SPAG17: variants seen among roughly 807,000 people sequenced by gnomAD.
The protein encoded by SPAG17 is sperm associated antigen 17.
In SPAG17, 169 loss-of-function variants were observed where a neutral mutation model predicts 273.6. The ratio of observed to expected loss-of-function variants is 0.62; its 90% CI spans 0.55 to 0.70. SPAG17 has a LOEUF of 0.70. Ranked by LOEUF, SPAG17 falls within the 30% of genes least tolerant of loss-of-function variation. SPAG17 has a pLI of 0.00. For missense variants in SPAG17, 2,557 were observed against 2,627.8 expected (o/e 0.97, Z 0.59); for synonymous variants, 825 against 873.2 (o/e 0.94, Z 0.97).
chr1:118,117,149 T>C (rs186622791), intron 3 of SPAG17, among the ~76,000 whole-genome samples: 1 of 152,202 alleles, frequency 6.6e-6, no homozygotes, highest in Non-Finnish European at 1.5e-5. Context: ...ATTCAAAACA[T>C]TCAAATGTGG....
intron 1 of SPAG17, among the ~76,000 whole-genome samples, chr1:118,168,233 G>A (rs755709820): frequency 2.0e-4 from 31 of 152,158 alleles, no homozygotes; most frequent in Non-Finnish European, 8.8e-5. Flanking sequence ...GTGTCTGTCT[G>A]GGTGAGTGGT....
intron 1 of SPAG17, among the ~76,000 whole-genome samples, chr1:118,180,652 T>A (rs1041244544): frequency 2.6e-5 from 4 of 152,054 alleles, no homozygotes; most frequent in African/African-American, 9.7e-5. Flanking sequence ...CTACTTATAG[T>A]CATTTGATCT....
chr1:118,115,460 A>G lies in SPAG17; in HGVS notation c.316-19T>C. The G allele has an allele frequency of 6.3e-7, 1 of 1,597,520 alleles. No homozygotes were observed. The highest frequency in any genetic ancestry group is 8.5e-7 in the Non-Finnish European group (1 of 1,174,204). The stretch of plus-strand genomic sequence containing the variant: ...TTAACACCTATACAGAAACACAATT[A>G]TTAGAAAAAGTGATGTTTTATAACC... On this transcript the variant is annotated intron_variant, in intron 3 of 48. Coordinates refer to ENST00000336338, the MANE Select transcript of SPAG17 (RefSeq NM_206996.4).
chr1:118,080,759 C>A (rs1195716051), intron 15 of SPAG17, among the ~76,000 whole-genome samples: 1 of 152,062 alleles, frequency 6.6e-6, no homozygotes, highest in Non-Finnish European at 1.5e-5. Flanking sequence ...TGATTTTGAA[C>A]CAAGCTCTGT....
chr1:117,956,515 G>A (rs1367403247), intron 48 of SPAG17, among the ~76,000 whole-genome samples: 3 of 152,134 alleles, frequency 2.0e-5, no homozygotes, highest in African/African-American at 7.2e-5. Flanking sequence ...TTCAAGATAG[G>A]AAGATTCTGT....
intron 1 of SPAG17, among the ~76,000 whole-genome samples, chr1:118,178,625 T>C (rs891005967): frequency 2.0e-5 from 3 of 152,120 alleles, no homozygotes; most frequent in East Asian, 1.9e-4. Context: ...GACATCCAAA[T>C]TGAAAAGAAA....
chr1:118,015,378 T>C (rs2101798734), intron 29 of SPAG17, among the ~76,000 whole-genome samples: 1 of 152,292 alleles, frequency 6.6e-6, no homozygotes, highest in South Asian at 2.1e-4. Context: ...TACCACTAAT[T>C]TGTCATGTAT....
chr1:118,021,409 T>C (rs1421187146), intron 28 of SPAG17, among the ~76,000 whole-genome samples: 1 of 152,042 alleles, frequency 6.6e-6, no homozygotes, highest in Non-Finnish European at 1.5e-5. Flanking sequence ...GGGTAGTGTG[T>C]GTGTGGTTCA....
chr1:118,040,613 G>A, intron 22 of SPAG17, 117 bp downstream of exon 22: 2 of 674,508 alleles, frequency 3.0e-6, no homozygotes, highest in Non-Finnish European at 5.3e-6. Flanking sequence ...GCACCTAAAT[G>A]TATTGTGGGG....
intron 3 of SPAG17, 47 bp downstream of exon 3, chr1:118,150,496 T>TGTG: frequency 9.0e-7 from 1 of 1,110,360 alleles, no homozygotes; most frequent in Non-Finnish European, 1.3e-6. Context: ...ACTTCAATTC[T>TGTG]TTTTTCTAAA....
chr1:118,102,938 CA>C, intron 4 of SPAG17, among the ~76,000 whole-genome samples: 1 of 152,294 alleles, frequency 6.6e-6, no homozygotes, highest in African/African-American at 2.4e-5. Flanking sequence ...TGGCTTCTAG[CA>C]CCTATGGCTC....
Position 117,996,349 on chromosome 1 carries a change from C to T in SPAG17, c.5053+21G>A, listed in dbSNP as rs369778456. The T allele has an allele frequency of 3.6e-5, 58 of 1,599,770 alleles. 1 individual carries two copies. In the African/African-American group the frequency reaches 6.9e-4, roughly 19 times the overall value. ...ATTGGCAAAGAGACACCGTGCATTCCAGACAGTATGGGTCCTCTACCTGGC... is the reference window on the plus strand; with the variant it reads ...ATTGGCAAAGAGACACCGTGCATTCTAGACAGTATGGGTCCTCTACCTGGC... On this transcript the variant is annotated intron_variant, in intron 34 of 48. Transcript: ENST00000336338.
chr1:118,127,560 C>G (rs1179583872), intron 3 of SPAG17, among the ~76,000 whole-genome samples: 1 of 152,192 alleles, frequency 6.6e-6, no homozygotes, highest in East Asian at 1.9e-4. Context: ...CTCACCAGGC[C>G]CTGCCTCCAA....
intron 36 of SPAG17, 94 bp from the exon 37 acceptor site, chr1:117,991,622 G>A (rs1351033452): frequency 2.7e-6 from 2 of 737,494 alleles, no homozygotes; most frequent in Non-Finnish European, 4.4e-6. Context: ...TACAAAAAAT[G>A]AAGAATATAT....
chr1:117,991,324 G>A, intron 37 of SPAG17, 91 bp downstream of exon 37: 2 of 707,894 alleles, frequency 2.8e-6, no homozygotes, highest in Non-Finnish European at 4.4e-6. Context: ...CATGGAAGTG[G>A]CAGAAGCAGC....
intron 1 of SPAG17, among the ~76,000 whole-genome samples, chr1:118,176,589 T>C (rs1388349671): frequency 3.3e-5 from 5 of 152,150 alleles, no homozygotes; most frequent in East Asian, 3.9e-4. Context: ...AAGGGAGAGA[T>C]AGATTATGAT....
At position 118,185,222 on chromosome 1, in the gene SPAG17, C is replaced by T. The variant is rs1329054845; in HGVS notation, c.-65G>A. The T allele has an allele frequency of 1.5e-6, 2 of 1,327,980 alleles. No individual in the cohort carries two copies. The highest frequency in any genetic ancestry group is 2.9e-5 in the African/African-American group (2 of 69,192). 82.3% of individuals were successfully genotyped at this position (1,327,980 alleles called of 1,614,324 possible). A position where few individuals can be genotyped will look rare whatever the true frequency, so the allele number is the denominator to read the frequency against. On this transcript the variant is annotated 5_prime_UTR_variant, in exon 1 of 49. Coordinates refer to ENST00000336338, the MANE Select transcript of SPAG17 (RefSeq NM_206996.4). Reference sequence around the variant, plus strand: ...AGGCCCTGCCTAAGCGTCCCCGCTACCACAGTAACCGAAGCCACGCCCAGT... The same window carrying T: ...AGGCCCTGCCTAAGCGTCCCCGCTATCACAGTAACCGAAGCCACGCCCAGT...
chr1:118,167,662 T>C (rs550411718), intron 1 of SPAG17, among the ~76,000 whole-genome samples: 1 of 152,312 alleles, frequency 6.6e-6, no homozygotes, highest in South Asian at 2.1e-4. Flanking sequence ...TTAACTTGAA[T>C]AGATTTTAGA....
intron 25 of SPAG17, among the ~76,000 whole-genome samples, chr1:118,030,593 C>T (rs963623404): frequency 4.6e-5 from 7 of 152,126 alleles, no homozygotes; most frequent in African/African-American, 1.7e-4. Context: ...CTGCTCCTTG[C>T]CCTTGACCCC....
Sources: gnomAD v4.1 joint callset for allele counts (sites outside exome capture counted in the v4.1 genomes callset) on GRCh38, gnomAD v4.1.1 for gene constraint, MANE v1.5 for transcripts, NCBI Gene and HGNC (gene_info 2026-07-23, HGNC 2026-07-21) for gene names.